CSMD2: variants seen among roughly 807,000 people sequenced by gnomAD.
The protein encoded by CSMD2 is CUB and Sushi multiple domains 2.
Under a neutral mutation model 398.5 loss-of-function variants are expected in CSMD2, and 130 were observed. That is an observed-to-expected ratio of 0.33 (90% CI 0.28 to 0.38). The LOEUF (loss-of-function observed/expected upper bound fraction) is 0.38, where lower values mean the gene tolerates loss of function less well. CSMD2 is among the 10% of genes least tolerant of loss of function. CSMD2 has a pLI of 1.00. For missense variants in CSMD2, 3,829 were observed against 4,764.9 expected (o/e 0.80, Z 5.78); for synonymous variants, 1,828 against 1,908.5 (o/e 0.96, Z 1.10).
chr1:33,581,545 A>G (rs1384756140), intron 47 of CSMD2, among the ~76,000 whole-genome samples: 4 of 145,350 alleles, frequency 2.8e-5, no homozygotes, highest in East Asian at 1.9e-4. Context: ...AAAAAAAAAA[A>G]AAAAAAAAAG....
chr1:33,745,663 C>T (rs1215810055), intron 13 of CSMD2, among the ~76,000 whole-genome samples: 2 of 152,124 alleles, frequency 1.3e-5, no homozygotes, highest in Non-Finnish European at 2.9e-5. Flanking sequence ...AAAAGCCCTC[C>T]CATGCAATTC....
Position 33,535,408 on chromosome 1 carries a change from T to C in CSMD2, c.9880-1501A>G, listed in dbSNP as rs558090893. 4.6e-5 allele frequency among the ~76,000 whole-genome samples: 7 copies of C among 152,368 alleles called. No homozygotes were observed. In the East Asian group the frequency reaches 1.2e-3, roughly 25 times the overall value. On this transcript the variant is annotated intron_variant, in intron 62 of 70. Coordinates refer to ENST00000373381, the MANE Select transcript of CSMD2 (RefSeq NM_001281956.2). ...CAATTTAGTAAGTTTTTGCTGGTTTTAATATTTGTAAAAGTAGTGTCATGC... is the reference window on the plus strand; with the variant it reads ...CAATTTAGTAAGTTTTTGCTGGTTTCAATATTTGTAAAAGTAGTGTCATGC...
At chr1:33,648,139 G>C (rs530731008) in intron 28 of CSMD2, among the ~76,000 whole-genome samples, 1 of 152,232 alleles carries the variant, frequency 6.6e-6, no homozygotes, top group East Asian at 1.9e-4. Context: ...GAGGTGGGCG[G>C]ATCACAAGGT....
chr1:33,920,048 G>C (rs1285172914), intron 4 of CSMD2, among the ~76,000 whole-genome samples: 1 of 152,178 alleles, frequency 6.6e-6, no homozygotes, highest in Non-Finnish European at 1.5e-5. Context: ...TGTTGGGAGT[G>C]GGGGTGTGGA....
chr1:33,798,962 C>G (rs769731451), intron 10 of CSMD2, among the ~76,000 whole-genome samples: 1 of 152,172 alleles, frequency 6.6e-6, no homozygotes, highest in Admixed American at 6.5e-5. Context: ...GCTAGAGTCC[C>G]GGGAGATGTA....
chr1:33,850,328 C>G (rs1467192860), intron 5 of CSMD2, among the ~76,000 whole-genome samples: 1 of 152,172 alleles, frequency 6.6e-6, no homozygotes, highest in African/African-American at 2.4e-5. Flanking sequence ...CCTTGATGCT[C>G]TTTATGCCTT....
chr1:34,013,203 C>T (rs1031957846), intron 3 of CSMD2, among the ~76,000 whole-genome samples: 6 of 148,438 alleles, frequency 4.0e-5, no homozygotes, highest in Non-Finnish European at 7.4e-5. Flanking sequence ...CAGTCATCAT[C>T]GTGCCATTAT....
intron 23 of CSMD2, 148 bp from the exon 24 acceptor site, chr1:33,699,092 T>C: frequency 1.7e-6 from 1 of 599,666 alleles, no homozygotes; most frequent in Non-Finnish European, 2.9e-6. Context: ...GATTTCCTCA[T>C]TTCTATGCTC....
intron 5 of CSMD2, among the ~76,000 whole-genome samples, chr1:33,866,247 G>A (rs933226999): frequency 1.3e-5 from 2 of 152,220 alleles, no homozygotes; most frequent in Non-Finnish European, 2.9e-5. Context: ...GCCATTTGCT[G>A]GGTACAGGGA....
chr1:33,535,741 AG>A (rs1655706627), intron 62 of CSMD2, among the ~76,000 whole-genome samples: 1 of 152,214 alleles, frequency 6.6e-6, no homozygotes, highest in South Asian at 2.1e-4. Flanking sequence ...CCTACTTTCC[AG>A]GCCCCCAGGC....
At chr1:34,053,546 C>T (rs1194325788) in intron 2 of CSMD2, among the ~76,000 whole-genome samples, 2 of 152,180 alleles carry the variant, frequency 1.3e-5, no homozygotes, top group Non-Finnish European at 2.9e-5. Context: ...ATCCCTCTTT[C>T]TCCCTTTGTT....
At position 34,153,949 on chromosome 1, in the gene CSMD2, T is replaced by C. The variant is rs138147633; in HGVS notation, c.187+10962A>G. Among the ~76,000 whole-genome samples, 176 of 152,306 alleles carry C rather than the reference T, an allele frequency of 1.2e-3. 2 individuals are homozygous for C. Among genetic ancestry groups the C allele is most frequent in the South Asian group, 2.5e-3 (12 of 4,820 alleles). ...CGAAAGCTGCCATATGCCAAATAGA[T>C]GGATTAAAGACTAGAAGAAGCTATC... On this transcript the variant is annotated intron_variant, in intron 1 of 70. Coordinates refer to ENST00000373381, the MANE Select transcript of CSMD2 (RefSeq NM_001281956.2).
intron 5 of CSMD2, among the ~76,000 whole-genome samples, chr1:33,858,358 C>G (rs558931736): frequency 1.1e-3 from 167 of 152,256 alleles, no homozygotes; most frequent in Non-Finnish European, 2.0e-3. Flanking sequence ...TCCTGCAATA[C>G]TTGGCCTTGT....
intron 1 of CSMD2, among the ~76,000 whole-genome samples, chr1:34,125,975 G>C (rs550529398): frequency 1.3e-5 from 2 of 152,314 alleles, no homozygotes; most frequent in African/African-American, 4.8e-5. Flanking sequence ...ATTCAGAAGG[G>C]AGAGGGTTGT....
intron 13 of CSMD2, among the ~76,000 whole-genome samples, chr1:33,769,383 A>T (rs564963240): frequency 6.6e-6 from 1 of 152,304 alleles, no homozygotes; most frequent in East Asian, 1.9e-4. Flanking sequence ...GAATGGATGG[A>T]AAGTGGTATT....
intron 10 of CSMD2, among the ~76,000 whole-genome samples, chr1:33,797,673 C>T (rs1336357223): frequency 6.6e-6 from 1 of 151,514 alleles, no homozygotes; most frequent in Non-Finnish European, 1.5e-5. Context: ...TTTTCTGGGT[C>T]CCAGCAGGGG....
intron 2 of CSMD2, among the ~76,000 whole-genome samples, chr1:34,084,634 C>T (rs558469682): frequency 6.5e-4 from 99 of 152,184 alleles, no homozygotes; most frequent in Middle Eastern, 3.4e-3. Context: ...AAAAAATGCT[C>T]ACCATCACTG....
At chr1:33,670,706 A>C (rs1218855722) in intron 25 of CSMD2, among the ~76,000 whole-genome samples, 1 of 152,228 alleles carries the variant, frequency 6.6e-6, no homozygotes, top group Non-Finnish European at 1.5e-5. Context: ...CTGAGCCTAC[A>C]GTGATACTGA....
chr1:34,014,678 G>A (rs569302007), intron 3 of CSMD2, among the ~76,000 whole-genome samples: 1 of 152,376 alleles, frequency 6.6e-6, no homozygotes, highest in Admixed American at 6.5e-5. Context: ...ACTAGACCAT[G>A]ATTGCCCAAG....
Sources: allele counts gnomAD v4.1 joint callset (sites outside exome capture counted in the v4.1 genomes callset), GRCh38; gene constraint gnomAD v4.1.1; transcripts MANE v1.5; gene names NCBI Gene and HGNC (gene_info 2026-07-23, HGNC 2026-07-21).